Variants in ARHGAP42 observed in about 807,000 individuals in gnomAD.
ARHGAP42 encodes the protein rho GTPase-activating protein 42.
ARHGAP42 carries 63 observed loss-of-function variants against 125.0 expected under a neutral mutation model. The observed-to-expected ratio is 0.50, with a 90% CI of 0.41 to 0.62. The LOEUF (loss-of-function observed/expected upper bound fraction) is 0.62, where lower values mean the gene tolerates loss of function less well. ARHGAP42 is among the 20% of genes least tolerant of loss of function. The pLI is 0.00. For synonymous variants in ARHGAP42, 339 were observed against 351.0 expected, an observed-to-expected ratio of 0.97 and a Z score of 0.38; for missense variants, 766 against 1,024.2, an observed-to-expected ratio of 0.75 and a Z score of 3.44.
intron 1 of ARHGAP42, among the ~76,000 whole-genome samples, chr11:100,764,288 C>G (rs559071671): frequency 6.6e-6 from 1 of 152,076 alleles, no homozygotes; most frequent in African/African-American, 2.4e-5. Flanking sequence ...CCTCCCAAAG[C>G]GTTGAGATTA....
chr11:100,735,725 C>G (rs886921181), intron 1 of ARHGAP42, among the ~76,000 whole-genome samples: 2 of 149,484 alleles, frequency 1.3e-5, no homozygotes, highest in African/African-American at 4.9e-5. Context: ...TCTCCTGCCT[C>G]AGACTCCCTA....
At chr11:100,854,091 CTTAG>C (rs1004790154) in intron 3 of ARHGAP42, among the ~76,000 whole-genome samples, 2 of 151,982 alleles carry the variant, frequency 1.3e-5, no homozygotes, top group Admixed American at 6.6e-5. Flanking sequence ...GAAAAGAAAA[CTTAG>C]TTTGAGTAAC....
chr11:100,891,439 CTT>C (rs142290529), intron 4 of ARHGAP42, among the ~76,000 whole-genome samples: 56,722 of 104,542 alleles, frequency 0.54, 13,433 homozygotes, highest in Admixed American at 0.58. Flanking sequence ...AAAGCATCGA[CTT>C]TTTTTTTTTT....
chr11:100,976,010 A>G lies in ARHGAP42; in HGVS notation c.1856-47A>G, dbSNP rs924398483. On this transcript the variant is annotated intron_variant, in intron 19 of 23. Coordinates refer to ENST00000298815, the MANE Select transcript of ARHGAP42 (RefSeq NM_152432.4). ...GAAGGGTTTTGGTGATGCTGTTATC[A>G]ATAGATAGTTACAGTTGCTTTCATC... The G allele has an allele frequency of 1.2e-5, 17 of 1,460,006 alleles. 1 individual carries two copies. In the Admixed American group the frequency reaches 4.7e-4, roughly 40 times the overall value. The allele number at this position is 1,460,006 out of a possible 1,614,324, so 90.4% of individuals were successfully genotyped here.
At chr11:100,706,270 C>T (rs141072543) in intron 1 of ARHGAP42, among the ~76,000 whole-genome samples, 6 of 152,282 alleles carry the variant, frequency 3.9e-5, no homozygotes, top group African/African-American at 1.4e-4. Flanking sequence ...CAAGTTAGCT[C>T]CATAAGAGTA....
chr11:100,973,812 G>A (rs1258416371), intron 18 of ARHGAP42, among the ~76,000 whole-genome samples: 1 of 152,188 alleles, frequency 6.6e-6, no homozygotes. Flanking sequence ...AGCTGAATTA[G>A]TTGGAGTATT....
chr11:100,779,485 T>TATATATATACACAC (rs1312550660), intron 2 of ARHGAP42, among the ~76,000 whole-genome samples: 1 of 81,440 alleles, frequency 1.2e-5, no homozygotes, highest in African/African-American at 4.3e-5. Flanking sequence ...TATATATATA[T>TATATATATACACAC]ACACACACAC....
chr11:100,796,826 G>A (rs564733468), intron 3 of ARHGAP42, among the ~76,000 whole-genome samples: 4 of 143,872 alleles, frequency 2.8e-5, no homozygotes, highest in Admixed American at 7.2e-5. Flanking sequence ...CTGGAGTGCA[G>A]TGGCGCGATC....
chr11:100,893,882 A>C (rs1488188569), intron 4 of ARHGAP42, among the ~76,000 whole-genome samples: 1 of 152,166 alleles, frequency 6.6e-6, no homozygotes, highest in African/African-American at 2.4e-5. Flanking sequence ...AGTTATTTTC[A>C]CAATTTAGCT....
At chr11:100,709,862 T>C (rs139730398) in intron 1 of ARHGAP42, among the ~76,000 whole-genome samples, 4 of 152,360 alleles carry the variant, frequency 2.6e-5, no homozygotes, top group South Asian at 2.1e-4. Flanking sequence ...AGCTATGCGA[T>C]TGAATAAGAC....
At chr11:100,950,805 G>A (rs7945929) in intron 12 of ARHGAP42, among the ~76,000 whole-genome samples, 5,922 of 152,086 alleles carry the variant, frequency 0.039, 284 homozygotes, top group African/African-American at 0.12. Flanking sequence ...GTAATGCAAT[G>A]GATTTTGTCT....
In ARHGAP42 at chr11:100,762,560, C is replaced by T. The variant is rs1483786101; in HGVS notation, c.155-7783C>T. ...CATGCCAAACTTTGTTCTGGGCCCT[C>T]TTAATGAAGACCGATTTTTAATATC... On this transcript the variant is annotated intron_variant, in intron 1 of 23. Coordinates refer to ENST00000298815, the MANE Select transcript of ARHGAP42 (RefSeq NM_152432.4). Among the ~76,000 whole-genome samples, 4 of 152,186 alleles carry T rather than the reference C, an allele frequency of 2.6e-5. No individual in the cohort carries two copies. In the East Asian group the frequency reaches 7.7e-4, roughly 29 times the overall value.
rs1427355353 is a variant in ARHGAP42, at chr11:100,978,930, T to C, written c.2394-57T>C. ...TAACTGGCAATCATGAATTTCACTT[T>C]GAGCAGAACTGAATGTGATTGACTT... On this transcript the variant is annotated intron_variant, in intron 21 of 23. Coordinates refer to ENST00000298815, the MANE Select transcript of ARHGAP42 (RefSeq NM_152432.4). 2.0e-6 allele frequency: 3 copies of C among 1,514,206 alleles called. No individual in the cohort carries two copies. The East Asian group carries it at 7.4e-5, about 37-fold the overall frequency. 93.8% of individuals were successfully genotyped at this position (1,514,206 alleles called of 1,614,324 possible).
intron 4 of ARHGAP42, among the ~76,000 whole-genome samples, chr11:100,873,896 A>G (rs995871661): frequency 6.6e-6 from 1 of 152,244 alleles, no homozygotes; most frequent in East Asian, 1.9e-4. Context: ...AGGGCAGTCC[A>G]GTCTTGACTC....
At chr11:100,751,279 G>GTTT (rs71465331) in intron 1 of ARHGAP42, among the ~76,000 whole-genome samples, 6 of 93,470 alleles carry the variant, frequency 6.4e-5, no homozygotes, top group Non-Finnish European at 1.0e-4. Context: ...GTGTGTGTGT[G>GTTT]TTTTTTTTTT....
intron 1 of ARHGAP42, among the ~76,000 whole-genome samples, chr11:100,708,625 A>G (rs918814954): frequency 1.3e-5 from 2 of 152,356 alleles, no homozygotes; most frequent in East Asian, 3.9e-4. Context: ...CATCACTATT[A>G]AAAATATTCC....
intron 2 of ARHGAP42, among the ~76,000 whole-genome samples, chr11:100,788,995 C>T (rs1321975428): frequency 6.6e-6 from 1 of 151,934 alleles, no homozygotes; most frequent in Admixed American, 6.6e-5. Context: ...TATCACTTGG[C>T]TATGTATGTT....
At chr11:100,843,119 A>G (rs2135115323) in intron 3 of ARHGAP42, among the ~76,000 whole-genome samples, 2 of 152,288 alleles carry the variant, frequency 1.3e-5, no homozygotes, top group East Asian at 1.9e-4. Flanking sequence ...CTCAAATAGA[A>G]ACAAAATGGG....
In ARHGAP42 at chr11:100,904,470, C is replaced by T. The variant is rs1372126473; in HGVS notation, c.385-8982C>T. On this transcript the variant is annotated intron_variant, in intron 4 of 23. Coordinates refer to ENST00000298815, the MANE Select transcript of ARHGAP42 (RefSeq NM_152432.4). ...CCATGTTGACCAGGCTGGTCTCGAACTCCTGACCTCAGATGATCCACCCGC... is the reference window on the plus strand; with the variant it reads ...CCATGTTGACCAGGCTGGTCTCGAATTCCTGACCTCAGATGATCCACCCGC... 2.6e-5 allele frequency among the ~76,000 whole-genome samples: 4 copies of T among 152,128 alleles called. No homozygotes were observed. The East Asian group carries it at 7.7e-4, about 29-fold the overall frequency.
Sources: gnomAD v4.1 joint callset for allele counts (sites outside exome capture counted in the v4.1 genomes callset) on GRCh38, gnomAD v4.1.1 for gene constraint, MANE v1.5 for transcripts, NCBI Gene and HGNC (gene_info 2026-07-23, HGNC 2026-07-21) for gene names.